The following DPP10 variants were observed in gnomAD, a reference collection of about 807,000 sequenced individuals.
DPP10 encodes the protein inactive dipeptidyl peptidase 10.
In DPP10, 33 loss-of-function variants were observed where a neutral mutation model predicts 120.9. That is an observed-to-expected ratio of 0.27 (90% CI 0.21 to 0.37). The LOEUF (loss-of-function observed/expected upper bound fraction) is 0.37. DPP10 is among the 10% of genes least tolerant of loss of function. The pLI is 1.00. For synonymous variants in DPP10, 337 were observed against 326.1 expected, an observed-to-expected ratio of 1.03 and a Z score of -0.36; for missense variants, 816 against 942.8, an observed-to-expected ratio of 0.87 and a Z score of 1.76.
At chr2:115,255,673 C>A (rs1235560668) in intron 1 of DPP10, among the ~76,000 whole-genome samples, 1 of 152,160 alleles carries the variant, frequency 6.6e-6, no homozygotes, top group Non-Finnish European at 1.5e-5. Context: ...GTTAAAATTT[C>A]CACAGATATT....
chr2:115,679,046 T>C (rs185549660), intron 5 of DPP10, among the ~76,000 whole-genome samples: 2 of 152,304 alleles, frequency 1.3e-5, no homozygotes, highest in Admixed American at 1.3e-4. Context: ...TTGCTTTTGA[T>C]TTTACAGGCT....
At chr2:115,232,753 A>G (rs2057799459) in intron 1 of DPP10, among the ~76,000 whole-genome samples, 1 of 152,244 alleles carries the variant, frequency 6.6e-6, no homozygotes, top group South Asian at 2.1e-4. Flanking sequence ...ACTTATTTTG[A>G]ACTCTTAATC....
intron 2 of DPP10, among the ~76,000 whole-genome samples, chr2:115,322,592 T>TTA (rs1327014400): frequency 6.6e-6 from 1 of 152,210 alleles, no homozygotes; most frequent in Non-Finnish European, 1.5e-5. Flanking sequence ...AGCATAAGGT[T>TTA]TATATCTTTA....
rs931794349 is a variant in DPP10, at chr2:115,361,912, T to C, written c.271+18000T>C. 3.3e-5 allele frequency among the ~76,000 whole-genome samples: 5 copies of C among 152,144 alleles called. No individual in the cohort carries two copies. The South Asian group carries it at 1.0e-3, about 31-fold the overall frequency. On this transcript the variant is annotated intron_variant, in intron 3 of 25. Coordinates refer to ENST00000410059, the MANE Select transcript of DPP10 (RefSeq NM_020868.6). ...TCTTGGCTGCATCTAGTCAGCTATG[T>C]TGGCCCCCCAACTCCAAATTTTCAT...
intron 5 of DPP10, among the ~76,000 whole-genome samples, chr2:115,550,004 A>G (rs919526892): frequency 6.6e-6 from 1 of 152,118 alleles, no homozygotes; most frequent in African/African-American, 2.4e-5. Context: ...TTCTCAGAAT[A>G]TACAAATCAA....
intron 3 of DPP10, among the ~76,000 whole-genome samples, chr2:115,386,307 G>A (rs1217868853): frequency 5.3e-5 from 8 of 152,000 alleles, no homozygotes; most frequent in Non-Finnish European, 4.4e-5. Flanking sequence ...GGTTCATCAG[G>A]GCTCTAGACA....
chr2:114,535,435 C>T (rs1686403458), intron 1 of DPP10, among the ~76,000 whole-genome samples: 1 of 152,132 alleles, frequency 6.6e-6, no homozygotes, highest in Admixed American at 6.5e-5. Context: ...CCTTTTTTCC[C>T]TCTAGGTTTA....
chr2:115,519,552 A>G (rs1323399145), intron 4 of DPP10, among the ~76,000 whole-genome samples: 1 of 152,090 alleles, frequency 6.6e-6, no homozygotes, highest in Admixed American at 6.6e-5. Flanking sequence ...AATACACAGT[A>G]AAAAAAATTG....
intron 1 of DPP10, among the ~76,000 whole-genome samples, chr2:115,290,774 A>G (rs2060619855): frequency 6.6e-6 from 1 of 152,156 alleles, no homozygotes; most frequent in African/African-American, 2.4e-5. Context: ...ATGCACTTGC[A>G]ACAAGATTGT....
intron 1 of DPP10, among the ~76,000 whole-genome samples, chr2:115,221,374 G>A (rs1274088759): frequency 2.0e-5 from 3 of 152,052 alleles, no homozygotes; most frequent in African/African-American, 7.2e-5. Context: ...TTGCTTTTGC[G>A]TTATACTCAA....
chr2:115,272,190 T>G (rs4849390), intron 1 of DPP10, among the ~76,000 whole-genome samples: 111,213 of 152,082 alleles, frequency 0.73, 41,192 homozygotes, highest in Non-Finnish European at 0.79. Context: ...GTGTTTTCTT[T>G]GAAACTGATC....
chr2:115,370,330 A>C (rs2065326496), intron 3 of DPP10, among the ~76,000 whole-genome samples: 1 of 152,086 alleles, frequency 6.6e-6, no homozygotes, highest in African/African-American at 2.4e-5. Flanking sequence ...AATGTCAGGG[A>C]AACAGGCACA....
chr2:114,600,721 T>G (rs1692290442), intron 1 of DPP10, among the ~76,000 whole-genome samples: 1 of 151,906 alleles, frequency 6.6e-6, no homozygotes, highest in Non-Finnish European at 1.5e-5. Context: ...TAAGTTGGTG[T>G]AGAATAGAAA....
At chr2:115,222,727 G>A (rs1325499901) in intron 1 of DPP10, among the ~76,000 whole-genome samples, 6 of 151,760 alleles carry the variant, frequency 4.0e-5, no homozygotes, top group South Asian at 4.2e-4. Flanking sequence ...CTCATGAACA[G>A]CATTAAAAAA....
intron 1 of DPP10, among the ~76,000 whole-genome samples, chr2:114,813,871 T>C (rs1263293653): frequency 6.6e-6 from 1 of 151,254 alleles, no homozygotes; most frequent in Non-Finnish European, 1.5e-5. Context: ...CTAGTAACAA[T>C]AGCTGGGAGG....
At chr2:115,798,523 A>C (rs1242338505) in intron 19 of DPP10, among the ~76,000 whole-genome samples, 1 of 152,090 alleles carries the variant, frequency 6.6e-6, no homozygotes, top group Middle Eastern at 3.2e-3. Flanking sequence ...TGAATCATGT[A>C]AGGCTGTGTA....
At chr2:114,769,676 G>C (rs1681074737) in intron 1 of DPP10, among the ~76,000 whole-genome samples, 1 of 152,054 alleles carries the variant, frequency 6.6e-6, no homozygotes, top group South Asian at 2.1e-4. Flanking sequence ...GATTCACTTG[G>C]ATTATTACAA....
At chr2:115,515,691 A>G (rs181274517) in intron 4 of DPP10, among the ~76,000 whole-genome samples, 1 of 152,088 alleles carries the variant, frequency 6.6e-6, no homozygotes, top group Non-Finnish European at 1.5e-5. Context: ...TTATCTGTTG[A>G]AACTGGCCTG....
intron 1 of DPP10, among the ~76,000 whole-genome samples, chr2:114,747,894 T>A (rs771924471): frequency 1.3e-5 from 2 of 152,216 alleles, no homozygotes; most frequent in Non-Finnish European, 1.5e-5. Context: ...TCGGAGAATG[T>A]GCTCTAAACC....
Sources: gnomAD v4.1 joint callset for allele counts (sites outside exome capture counted in the v4.1 genomes callset) on GRCh38, gnomAD v4.1.1 for gene constraint, MANE v1.5 for transcripts, NCBI Gene and HGNC (gene_info 2026-07-23, HGNC 2026-07-21) for gene names.